The following CAPRIN2 variants were observed in gnomAD, a reference collection of about 807,000 sequenced individuals.
CAPRIN2 encodes caprin-2.
A neutral mutation model predicts 130.4 loss-of-function variants in CAPRIN2; 66 were observed. The observed-to-expected ratio is 0.51, with a 90% CI of 0.42 to 0.62. The LOEUF (loss-of-function observed/expected upper bound fraction) is 0.62, where lower values mean the gene tolerates loss of function less well. Among genes scored for constraint, CAPRIN2 ranks in the 20% least tolerant of loss-of-function variants. The pLI, the probability that CAPRIN2 is intolerant of heterozygous loss-of-function variation, is 0.00. For synonymous variants in CAPRIN2, 471 were observed against 444.1 expected, an observed-to-expected ratio of 1.06 and a Z score of -0.76; for missense variants, 1,185 against 1,246.6, an observed-to-expected ratio of 0.95 and a Z score of 0.74.
chr12:30,716,586 T>C, exon 13 of CAPRIN2: 1 of 1,614,020 alleles, frequency 6.2e-7, no homozygotes, highest in Non-Finnish European at 8.5e-7. Flanking sequence ...GTACTTGCTG[T>C]GGTAAAACTT....
At chr12:30,739,751 G>A (rs1159111231) in intron 3 of CAPRIN2, among the ~76,000 whole-genome samples, 1 of 151,418 alleles carries the variant, frequency 6.6e-6, no homozygotes, top group African/African-American at 2.4e-5. Flanking sequence ...CTTTTGCTCT[G>A]AGTCTCAGAT....
At chr12:30,721,731 C>T (rs1180203035) in intron 11 of CAPRIN2, among the ~76,000 whole-genome samples, 3 of 152,120 alleles carry the variant, frequency 2.0e-5, no homozygotes, top group Admixed American at 2.0e-4. Context: ...GAACTGGAAA[C>T]TAATGAAGGG....
At chr12:30,738,644 T>C (rs1220007467) in intron 3 of CAPRIN2, among the ~76,000 whole-genome samples, 3 of 152,166 alleles carry the variant, frequency 2.0e-5, no homozygotes, top group Non-Finnish European at 4.4e-5. Flanking sequence ...GAGAAAACTT[T>C]TGCAAACTAT....
At chr12:30,722,021 C>T (rs549122107) in intron 11 of CAPRIN2, among the ~76,000 whole-genome samples, 17 of 152,268 alleles carry the variant, frequency 1.1e-4, no homozygotes, top group Middle Eastern at 3.4e-3. Flanking sequence ...GTAGAACTGG[C>T]TGTTGTGGGG....
chr12:30,718,006 A>G (rs2058196235), intron 12 of CAPRIN2, among the ~76,000 whole-genome samples: 1 of 152,184 alleles, frequency 6.6e-6, no homozygotes, highest in Admixed American at 6.5e-5. Flanking sequence ...TAATCAATAA[A>G]TGAGTAAGAA....
intron 15 of CAPRIN2, among the ~76,000 whole-genome samples, chr12:30,713,466 T>A (rs187861909): frequency 6.6e-6 from 1 of 152,358 alleles, no homozygotes; most frequent in East Asian, 1.9e-4. Context: ...ATTTCCTTGA[T>A]AAGTGACGTT....
chr12:30,742,605 T>C (rs1048561552), intron 2 of CAPRIN2, among the ~76,000 whole-genome samples: 5 of 149,464 alleles, frequency 3.3e-5, no homozygotes, highest in African/African-American at 1.2e-4. Flanking sequence ...ATATAATGAG[T>C]GAAAAAAGCA....
At chr12:30,745,518 A>G (rs575367030) in intron 2 of CAPRIN2, among the ~76,000 whole-genome samples, 1 of 152,300 alleles carries the variant, frequency 6.6e-6, no homozygotes, top group African/African-American at 2.4e-5. Context: ...CATATAGAAC[A>G]TTACAAGTTT....
rs1368096477 is a variant in CAPRIN2, at chr12:30,710,121, T to C, written c.3015A>G (p.Ala1005=). 1 of 1,614,166 alleles carries C rather than the reference T, an allele frequency of 6.2e-7. No individual in the cohort carries two copies. The highest frequency in any genetic ancestry group is 2.2e-5 in the East Asian group (1 of 44,868). ...GGTTGACATACAGTGGCACATTCAC[T>C]GCCAGCTTTAGCATGTGAAAAATGA... Residue 1005 remains alanine, a synonymous_variant, in exon 17 of 17, where the codon GCA becomes GCG. Coordinates refer to ENST00000298892, the Ensembl canonical transcript of CAPRIN2. The surrounding 1 kb of genome is among the most constrained non-coding windows in gnomAD (Gnocchi z 4.8).
At chr12:30,723,044 T>C (rs1412749127) in intron 11 of CAPRIN2, among the ~76,000 whole-genome samples, 4 of 152,234 alleles carry the variant, frequency 2.6e-5, no homozygotes, top group Admixed American at 2.0e-4. Context: ...GGTCTCTCCT[T>C]ACTAAAGTCA....
At chr12:30,751,895 A>G (rs1168326894) in intron 1 of CAPRIN2, among the ~76,000 whole-genome samples, 1 of 148,550 alleles carries the variant, frequency 6.7e-6, no homozygotes, top group African/African-American at 2.5e-5. Flanking sequence ...ATAATGACAT[A>G]AACCCACTAT....
rs78303008 is a variant in CAPRIN2 at position 30,715,074 on chromosome 12, C to A, written c.2385G>T (p.Thr795=). ...GCTGAGTAGGTCTGGGAAACACATT[C>A]GTCTGTGCTGGGTAAAAGGCAAGGC... Residue 795 remains threonine (T), a synonymous_variant, in exon 14 of 17, where the codon ACG becomes ACT. Transcript: ENST00000298892. 9 of 1,613,770 alleles carry A rather than the reference C, an allele frequency of 5.6e-6. No individual in the cohort carries two copies. In the African/African-American group the frequency reaches 6.7e-5, roughly 12 times the overall value.
At chr12:30,746,711 G>C (rs1243327322) in intron 2 of CAPRIN2, among the ~76,000 whole-genome samples, 1 of 152,170 alleles carries the variant, frequency 6.6e-6, no homozygotes, top group Non-Finnish European at 1.5e-5. Context: ...TTCTGTGAAG[G>C]CTGAGAGACT....
intron 8 of CAPRIN2, among the ~76,000 whole-genome samples, chr12:30,726,358 A>T (rs1329328077): frequency 6.6e-6 from 1 of 152,166 alleles, no homozygotes; most frequent in East Asian, 1.9e-4. Context: ...GAGTGTTTTC[A>T]TTATGGACAT....
At chr12:30,736,897 T>C (rs1468677763) in intron 3 of CAPRIN2, among the ~76,000 whole-genome samples, 1 of 152,234 alleles carries the variant, frequency 6.6e-6, no homozygotes, top group Non-Finnish European at 1.5e-5. Flanking sequence ...TTCAGACAAT[T>C]ATACCACATG....
intron 11 of CAPRIN2, among the ~76,000 whole-genome samples, chr12:30,722,393 A>G (rs7956941): frequency 0.013 from 2,044 of 152,324 alleles, 45 homozygotes; most frequent in African/African-American, 0.047. Flanking sequence ...TATGACATAT[A>G]AAGTGGGATG....
chr12:30,730,447 T>A (rs534410740), intron 6 of CAPRIN2, among the ~76,000 whole-genome samples, 165 bp from the exon 8 acceptor site: 1 of 152,336 alleles, frequency 6.6e-6, no homozygotes, highest in East Asian at 1.9e-4. Flanking sequence ...TCCTTGTTAG[T>A]CCAAAGCATG....
chr12:30,724,837 T>C lies in CAPRIN2; in HGVS notation c.1906-386A>G, dbSNP rs184510952. Among the ~76,000 whole-genome samples the C allele has an allele frequency of 1.1e-4, 17 of 152,008 alleles. No homozygotes were observed. In the East Asian group the frequency reaches 3.1e-3, roughly 28 times the overall value. On this transcript the variant is annotated intron_variant, in intron 9 of 16. Coordinates refer to ENST00000298892, the Ensembl canonical transcript of CAPRIN2. ...AGACCTTGTTGCTACTAAAAATTTT[T>C]TGAAGAATTAGCTAGGCATGGTGGT...
intron 9 of CAPRIN2, 128 bp downstream of exon 10, chr12:30,725,838 G>T: frequency 1.5e-6 from 1 of 689,544 alleles, no homozygotes; most frequent in Non-Finnish European, 2.1e-6. Context: ...TAAACTCCAG[G>T]CTAGGAGAGC....
Sources: gnomAD v4.1 joint callset for allele counts (sites outside exome capture counted in the v4.1 genomes callset) on GRCh38, gnomAD v4.1.1 for gene constraint, Gnocchi (gnomAD v3.1) non-coding constraint, MANE v1.5 for transcripts, NCBI Gene and HGNC (gene_info 2026-07-23, HGNC 2026-07-21) for gene names.